Variants in ASH1L observed in about 807,000 individuals in gnomAD.
ASH1L encodes the protein ASH1 like histone lysine methyltransferase.
In ASH1L, 23 loss-of-function variants were observed where a neutral mutation model predicts 269.0. The observed-to-expected ratio is 0.09, with a 90% CI of 0.06 to 0.12. ASH1L has a LOEUF of 0.12. Among genes scored for constraint, ASH1L ranks in the 10% least tolerant of loss-of-function variants. The pLI is 1.00. For missense variants in ASH1L, 2,912 were observed against 3,567.8 expected, an observed-to-expected ratio of 0.82 and a Z score of 4.68; for synonymous variants, 1,187 against 1,253.5, an observed-to-expected ratio of 0.95 and a Z score of 1.12.
chr1:155,488,441 C>T (rs1466666896), intron 2 of ASH1L, among the ~76,000 whole-genome samples: 6 of 141,716 alleles, frequency 4.2e-5, no homozygotes, highest in African/African-American at 1.6e-4. Context: ...GGGCAGATCA[C>T]GAGGTCAGGA....
chr1:155,550,618 T>C (rs1272169305), intron 1 of ASH1L, among the ~76,000 whole-genome samples: 1 of 152,178 alleles, frequency 6.6e-6, no homozygotes, highest in Non-Finnish European at 1.5e-5. Context: ...TTCAGGTATC[T>C]CCTGAAATAT....
At chr1:155,500,930 T>G (rs1400868768) in intron 2 of ASH1L, among the ~76,000 whole-genome samples, 1 of 152,034 alleles carries the variant, frequency 6.6e-6, no homozygotes, top group Non-Finnish European at 1.5e-5. Context: ...ATTGCACCAC[T>G]GCACTCCAGC....
chr1:155,522,842 A>G (rs1342290636), intron 1 of ASH1L, among the ~76,000 whole-genome samples: 1 of 151,936 alleles, frequency 6.6e-6, no homozygotes, highest in South Asian at 2.1e-4. Context: ...ACAAGCCACC[A>G]TACTCACCCG....
intron 2 of ASH1L, among the ~76,000 whole-genome samples, chr1:155,506,052 T>C (rs770724602): frequency 4.6e-5 from 7 of 150,730 alleles, no homozygotes; most frequent in African/African-American, 9.7e-5. Context: ...AGTGTTTTCA[T>C]TGTTCAATTC....
intron 1 of ASH1L, among the ~76,000 whole-genome samples, chr1:155,531,972 A>C (rs921798530): frequency 2.0e-5 from 3 of 152,216 alleles, no homozygotes; most frequent in African/African-American, 4.8e-5. Context: ...AGCTTTTGGA[A>C]AAATATCTAA....
chr1:155,340,821 G>A (rs1031088164), intron 25 of ASH1L, among the ~76,000 whole-genome samples: 1 of 150,356 alleles, frequency 6.7e-6, no homozygotes, highest in African/African-American at 2.5e-5. Context: ...ACTCAGGCTG[G>A]AGTGCAGTGG....
intron 6 of ASH1L, among the ~76,000 whole-genome samples, chr1:155,412,417 CAAACAAAACCACAAA>C (rs936680282): frequency 1.3e-5 from 2 of 151,840 alleles, no homozygotes; most frequent in African/African-American, 2.4e-5. Context: ...CTCAAAAAAA[CAAACAAAACCACAAA>C]AAACAAAACT....
intron 7 of ASH1L, among the ~76,000 whole-genome samples, chr1:155,386,052 G>C (rs1163928898): frequency 6.6e-6 from 1 of 151,466 alleles, no homozygotes; most frequent in East Asian, 1.9e-4. Flanking sequence ...AGAAGTGTCT[G>C]TTCATGTCCC....
chr1:155,421,912 A>G (rs1660716245), intron 5 of ASH1L, among the ~76,000 whole-genome samples: 1 of 152,134 alleles, frequency 6.6e-6, no homozygotes, highest in South Asian at 2.1e-4. Flanking sequence ...GTGACATCAA[A>G]GTACATTCAC....
intron 16 of ASH1L, among the ~76,000 whole-genome samples, chr1:155,353,732 G>A (rs1654123545): frequency 6.6e-6 from 1 of 152,000 alleles, no homozygotes; most frequent in South Asian, 2.1e-4. Context: ...CACTGAATCT[G>A]AATGTGAGAA....
chr1:155,373,660 G>T (rs1400983547), intron 10 of ASH1L, among the ~76,000 whole-genome samples: 1 of 151,810 alleles, frequency 6.6e-6, no homozygotes, highest in South Asian at 2.1e-4. Flanking sequence ...AGGCTGTTAA[G>T]CATTATTTTT....
At position 155,478,055 on chromosome 1, in the gene ASH1L, G is replaced by A. The variant is rs778370924; in HGVS notation, c.4815C>T (p.Asn1605=). The A allele has an allele frequency of 1.2e-5, 19 of 1,614,086 alleles. No homozygotes were observed. Among genetic ancestry groups the A allele is most frequent in the Middle Eastern group, 1.6e-4 (1 of 6,084 alleles). The stretch of plus-strand genomic sequence containing the variant: ...AGCTGCCTATTGCACTTGTGAAAAG[G>A]TTTGTATGTTCATCACTGCTGGCTG... ...SEPASSDEHT[N]LFTSAIGSCR... is the part of the protein sequence containing the mutation. The change falls in exon 3 of 28, where the codon AAC becomes AAT. Residue 1605 remains asparagine (N), a synonymous_variant. Transcript: ENST00000392403. The surrounding 1 kb of genome is among the most constrained non-coding windows in gnomAD (Gnocchi z 4.6).
intron 12 of ASH1L, among the ~76,000 whole-genome samples, chr1:155,365,467 C>A (rs1014626265): frequency 6.7e-6 from 1 of 150,054 alleles, no homozygotes; most frequent in African/African-American, 2.5e-5. Flanking sequence ...AGGTGATCAA[C>A]CTGCCTCAGC....
chr1:155,558,560 A>G (rs1571160525), intron 1 of ASH1L, among the ~76,000 whole-genome samples: 1 of 152,278 alleles, frequency 6.6e-6, no homozygotes, highest in East Asian at 1.9e-4. Context: ...CCTTTTTTTA[A>G]AGAGACAGTG....
Position 155,399,010 on chromosome 1 carries a change from G to A in ASH1L, c.6009-3457C>T, listed in dbSNP as rs114293386. Among the ~76,000 whole-genome samples the A allele has an allele frequency of 6.2e-3, 944 of 152,212 alleles. 10 individuals carry two copies. Among genetic ancestry groups the A allele is most frequent in the African/African-American group, 0.022 (912 of 41,512 alleles). On this transcript the variant is annotated intron_variant, in intron 6 of 27. Transcript: ENST00000392403. ...GGCCTCCCAAAGTGCTAGGATTACC[G>A]GTGTGAGCCATTGTGCCCAGCCTAC... is the stretch of plus-strand genomic sequence containing the variant.
At chr1:155,445,845 T>C (rs1029126714) in intron 4 of ASH1L, among the ~76,000 whole-genome samples, 3 of 152,116 alleles carry the variant, frequency 2.0e-5, no homozygotes, top group Non-Finnish European at 2.9e-5. Flanking sequence ...ATTTTAATTT[T>C]AGTGAGTACA....
chr1:155,373,144 C>T (rs1330616831), intron 10 of ASH1L, among the ~76,000 whole-genome samples: 2 of 150,790 alleles, frequency 1.3e-5, no homozygotes, highest in Admixed American at 1.3e-4. Context: ...ACTTGTCCGG[C>T]GGACGTTGCC....
intron 5 of ASH1L, among the ~76,000 whole-genome samples, chr1:155,437,671 G>A (rs750006728): frequency 5.9e-5 from 9 of 152,116 alleles, no homozygotes; most frequent in South Asian, 2.1e-4. Context: ...GCGGCGTTAC[G>A]GCATGGAAAC....
intron 25 of ASH1L, among the ~76,000 whole-genome samples, chr1:155,341,002 C>T (rs1007233611): frequency 6.6e-6 from 1 of 151,956 alleles, no homozygotes; most frequent in Non-Finnish European, 1.5e-5. Context: ...GATGGAGTCT[C>T]GCTCTGTCAC....
Sources: gnomAD v4.1 joint callset for allele counts (sites outside exome capture counted in the v4.1 genomes callset) on GRCh38, gnomAD v4.1.1 for gene constraint, Gnocchi (gnomAD v3.1) non-coding constraint, MANE v1.5 for transcripts, NCBI Gene and HGNC (gene_info 2026-07-23, HGNC 2026-07-21) for gene names.